IGSF11: variants seen among roughly 807,000 people sequenced by gnomAD.
IGSF11 encodes the protein CXADR like 1.
A neutral mutation model predicts 41.0 loss-of-function variants in IGSF11; 22 were observed. That is an observed-to-expected ratio of 0.54 (90% CI 0.38 to 0.77). IGSF11 has a LOEUF of 0.77. Among genes scored for constraint, IGSF11 ranks in the 30% least tolerant of loss-of-function variants. The pLI is 0.00. For synonymous variants in IGSF11, 219 were observed against 201.3 expected (o/e 1.09, Z -0.74); for missense variants, 444 against 530.8 (o/e 0.84, Z 1.61).
intron 1 of IGSF11, among the ~76,000 whole-genome samples, chr3:119,075,650 C>CT: frequency 6.6e-6 from 1 of 152,270 alleles, no homozygotes; most frequent in African/African-American, 2.4e-5. Flanking sequence ...GGCTTTATTC[C>CT]TGGGATGCAA....
At chr3:119,138,302 A>G (rs2077590459) in intron 1 of IGSF11, among the ~76,000 whole-genome samples, 2 of 152,208 alleles carry the variant, frequency 1.3e-5, no homozygotes, top group Non-Finnish European at 2.9e-5. Flanking sequence ...ACAATAGCCA[A>G]TATTTGGAAG....
intron 1 of IGSF11, among the ~76,000 whole-genome samples, chr3:119,103,451 G>C (rs749417134): frequency 6.6e-6 from 1 of 151,680 alleles, no homozygotes; most frequent in African/African-American, 2.4e-5. Flanking sequence ...GTTTGAATGT[G>C]ATGAGTTTTT....
intron 1 of IGSF11, among the ~76,000 whole-genome samples, chr3:119,137,839 G>A (rs1006940604): frequency 4.6e-5 from 7 of 151,898 alleles, no homozygotes; most frequent in African/African-American, 1.7e-4. Flanking sequence ...CAGAATATAC[G>A]AGGCACGCAA....
chr3:119,109,657 G>T (rs949129709), upstream of IGSF11, among the ~76,000 whole-genome samples: 1 of 151,976 alleles, frequency 6.6e-6, no homozygotes. Context: ...GCTCTTGCTT[G>T]TCTAGTTCTT....
At chr3:118,984,022 G>T (rs114572018) in intron 1 of IGSF11, among the ~76,000 whole-genome samples, 6 of 151,980 alleles carry the variant, frequency 3.9e-5, no homozygotes, top group Non-Finnish European at 8.8e-5. Context: ...AACCTTCCTA[G>T]GGGGTTCAAA....
chr3:118,908,222 T>C (rs1939850065), intron 4 of IGSF11, among the ~76,000 whole-genome samples: 1 of 152,240 alleles, frequency 6.6e-6, no homozygotes, highest in South Asian at 2.1e-4. Context: ...AGACTCTTGC[T>C]TTGAAAAGTT....
At chr3:118,971,504 C>A (rs564076856) in intron 1 of IGSF11, among the ~76,000 whole-genome samples, 6 of 151,936 alleles carry the variant, frequency 3.9e-5, no homozygotes, top group Non-Finnish European at 7.4e-5. Context: ...GGAAAATAAA[C>A]GATATGAAAG....
intron 1 of IGSF11, among the ~76,000 whole-genome samples, chr3:118,936,405 G>A (rs573978524): frequency 6.8e-4 from 103 of 152,000 alleles, no homozygotes; most frequent in African/African-American, 2.2e-3. Flanking sequence ...TACTTGGGAG[G>A]CTGAGGCAGG....
chr3:118,978,744 T>C (rs1318251593), intron 1 of IGSF11, among the ~76,000 whole-genome samples: 3 of 152,202 alleles, frequency 2.0e-5, no homozygotes, highest in Admixed American at 6.5e-5. Context: ...CAAAGTGCCC[T>C]ACCCAACCGA....
At chr3:119,084,978 T>A (rs16845358) in intron 1 of IGSF11, among the ~76,000 whole-genome samples, 3,417 of 151,160 alleles carry the variant, frequency 0.023, 68 homozygotes, top group Admixed American at 0.053. Context: ...GGAACCTAGG[T>A]ATGCCTCCTT....
chr3:118,959,165 G>T (rs1407456093), intron 1 of IGSF11, among the ~76,000 whole-genome samples: 1 of 152,166 alleles, frequency 6.6e-6, no homozygotes, highest in Non-Finnish European at 1.5e-5. Flanking sequence ...AACCCATTCT[G>T]CAATGTGTGT....
chr3:118,965,516 C>T (rs2107608609), intron 1 of IGSF11, among the ~76,000 whole-genome samples: 2 of 149,958 alleles, frequency 1.3e-5, no homozygotes, highest in Admixed American at 6.7e-5. Flanking sequence ...ACACAGTCAT[C>T]TTATGCCAGA....
intron 1 of IGSF11, among the ~76,000 whole-genome samples, chr3:119,006,722 A>C (rs976125984): frequency 6.7e-6 from 1 of 149,672 alleles, no homozygotes; most frequent in Non-Finnish European, 1.5e-5. Context: ...AATACCCTGC[A>C]GTGTGAGGTG....
At chr3:119,135,463 T>C (rs185311655) in intron 1 of IGSF11, among the ~76,000 whole-genome samples, 25 of 152,150 alleles carry the variant, frequency 1.6e-4, no homozygotes, top group South Asian at 8.3e-4. Context: ...CATGAAAAAA[T>C]GCTCATCATC....
chr3:119,139,729 T>C (rs1257797258), intron 1 of IGSF11, among the ~76,000 whole-genome samples: 1 of 152,196 alleles, frequency 6.6e-6, no homozygotes, highest in Non-Finnish European at 1.5e-5. Context: ...ATAAAAGATG[T>C]TATAAACACA....
chr3:118,994,721 C>T (rs1173330595), intron 1 of IGSF11, among the ~76,000 whole-genome samples: 1 of 152,204 alleles, frequency 6.6e-6, no homozygotes, highest in Admixed American at 6.5e-5. Flanking sequence ...AAGTCTAAGA[C>T]AGATACATAT....
intron 1 of IGSF11, among the ~76,000 whole-genome samples, chr3:118,985,094 T>C (rs1385265028): frequency 1.3e-5 from 2 of 152,198 alleles, no homozygotes; most frequent in East Asian, 3.8e-4. Flanking sequence ...TAAATTACTT[T>C]AAAGCACTCC....
At chr3:118,916,085 C>G (rs1200134211) in intron 4 of IGSF11, among the ~76,000 whole-genome samples, 1 of 149,764 alleles carries the variant, frequency 6.7e-6, no homozygotes, top group Non-Finnish European at 1.5e-5. Context: ...CAAGCCTGCC[C>G]TAAAAGAGCT....
At chr3:118,958,027 T>C (rs1945083542) in intron 1 of IGSF11, among the ~76,000 whole-genome samples, 1 of 152,154 alleles carries the variant, frequency 6.6e-6, no homozygotes, top group Non-Finnish European at 1.5e-5. Context: ...AAATCAAAGG[T>C]GCTAAAATAC....
Sources: gnomAD v4.1 joint callset for allele counts (sites outside exome capture counted in the v4.1 genomes callset) on GRCh38, gnomAD v4.1.1 for gene constraint, MANE v1.5 for transcripts, NCBI Gene and HGNC (gene_info 2026-07-23, HGNC 2026-07-21) for gene names.